The following KCNJ18 variants were observed in gnomAD, a reference collection of about 807,000 sequenced individuals.
KCNJ18 encodes the protein potassium inwardly rectifying channel subfamily J member 18, also known as inward rectifier potassium channel 18.
A neutral mutation model predicts 17.3 loss-of-function variants in KCNJ18; 16 were observed. The observed-to-expected ratio is 0.92, with a 90% CI of 0.62 to 1.40. The LOEUF (loss-of-function observed/expected upper bound fraction) is 1.40, where lower values mean the gene tolerates loss of function less well. Among genes scored for constraint, KCNJ18 ranks in the 40% most tolerant of loss-of-function variants. KCNJ18 has a pLI of 0.00. For synonymous variants in KCNJ18, 185 were observed against 262.6 expected, an observed-to-expected ratio of 0.70 and a Z score of 2.86; for missense variants, 462 against 626.8, an observed-to-expected ratio of 0.74 and a Z score of 2.81.
rs1334262373 is a variant in KCNJ18, at chr17:21,693,901, C to T, written c.-179+1187C>T. On this transcript the variant is annotated intron_variant, in intron 1 of 2. Coordinates refer to ENST00000567955, the MANE Select transcript of KCNJ18 (RefSeq NM_001194958.2). Reference sequence around the variant, plus strand: ...AGAGAGGCAAAGTGTAGGCCTGTGGCTTCTGCTCCCAGAATGATGAGGGAT... The same window carrying T: ...AGAGAGGCAAAGTGTAGGCCTGTGGTTTCTGCTCCCAGAATGATGAGGGAT... Among the ~76,000 whole-genome samples the T allele has an allele frequency of 1.5e-4, 23 of 152,256 alleles. No individual in the cohort carries two copies. In the East Asian group the frequency reaches 4.4e-3, roughly 29 times the overall value.
chr17:21,704,258 G>T lies in KCNJ18; in HGVS notation c.*170G>T. 1.2e-6 allele frequency: 1 copy of T among 853,304 alleles called. No individual in the cohort carries two copies. Among genetic ancestry groups the T allele is most frequent in the Non-Finnish European group, 1.8e-6 (1 of 570,956 alleles). 52.9% of individuals were successfully genotyped at this position (853,304 alleles called of 1,614,324 possible). ...AAGGCCTCAGAAGGTTGGCCGGAGA[G>T]GGGGCAGCCAGAGCGGCAGCCCCCG... On this transcript the variant is annotated 3_prime_UTR_variant, in exon 3 of 3. Coordinates refer to ENST00000567955, the MANE Select transcript of KCNJ18 (RefSeq NM_001194958.2).
At chr17:21,702,555 G>A (rs1410812474) in intron 2 of KCNJ18, among the ~76,000 whole-genome samples, 176 bp from the exon 3 acceptor site, 114 of 152,326 alleles carry the variant, frequency 7.5e-4, no homozygotes, top group African/African-American at 2.6e-3. Context: ...GGCCCGAAGG[G>A]GGTGGCCACT....
At chr17:21,698,516 G>A (rs1205418937) in intron 2 of KCNJ18, among the ~76,000 whole-genome samples, 2 of 151,998 alleles carry the variant, frequency 1.3e-5, no homozygotes, top group Non-Finnish European at 2.9e-5. Context: ...TCTTACCCTG[G>A]GTGATGCAGG....
chr17:21,693,265 G>A (rs1376335246), intron 1 of KCNJ18, among the ~76,000 whole-genome samples: 9 of 145,906 alleles, frequency 6.2e-5, no homozygotes, highest in East Asian at 6.1e-4. Flanking sequence ...CAGGAAATTC[G>A]CTTCTCTGCT....
chr17:21,695,034 C>CCCAT (rs1447090339), intron 1 of KCNJ18, among the ~76,000 whole-genome samples: 3 of 152,380 alleles, frequency 2.0e-5, no homozygotes, highest in East Asian at 1.9e-4. Flanking sequence ...CATCCATCCA[C>CCCAT]CCATCCATCC....
At chr17:21,699,638 G>C (rs1905872369) in intron 2 of KCNJ18, among the ~76,000 whole-genome samples, 1 of 152,416 alleles carries the variant, frequency 6.6e-6, no homozygotes, top group South Asian at 2.1e-4. Flanking sequence ...AAATGAGGGA[G>C]TGGGGCATGA....
Position 21,694,249 on chromosome 17 carries a change from G to A in KCNJ18, c.-179+1535G>A, listed in dbSNP as rs1292194587. On this transcript the variant is annotated intron_variant, in intron 1 of 2. Transcript: ENST00000567955. The stretch of plus-strand genomic sequence containing the variant: ...GCAGGCCCCATGAACTCCATGGCTG[G>A]GAGGTGCGGAGGTGAGAAGCATGTC... Among the ~76,000 whole-genome samples, 1,025 of 152,202 alleles carry A rather than the reference G, an allele frequency of 6.7e-3. 4 individuals are homozygous for A. The highest frequency in any genetic ancestry group is 0.01 in the Middle Eastern group (3 of 294).
intron 1 of KCNJ18, among the ~76,000 whole-genome samples, chr17:21,694,951 C>G (rs1258323752): frequency 6.6e-6 from 1 of 152,192 alleles, no homozygotes. Context: ...ATTCACTCAC[C>G]CATCCATCCA....
At chr17:21,699,360 T>C (rs1284889724) in intron 2 of KCNJ18, among the ~76,000 whole-genome samples, 2 of 152,122 alleles carry the variant, frequency 1.3e-5, no homozygotes, top group African/African-American at 4.8e-5. Flanking sequence ...TCTTGGGACA[T>C]TGTCTAGCTT....
At chr17:21,697,974 A>AG (rs1905818686) in intron 2 of KCNJ18, among the ~76,000 whole-genome samples, 3 of 152,298 alleles carry the variant, frequency 2.0e-5, no homozygotes, top group Middle Eastern at 3.2e-3. Flanking sequence ...GTGATCTCCA[A>AG]GGGGTCTTCC....
chr17:21,704,053 G>C lies in KCNJ18; in HGVS notation c.1267G>C (p.Glu423Gln). Residue 423 changes from glutamate (E) to glutamine (Q), a missense_variant, in exon 3 of 3, where the codon GAG (glutamate) becomes CAG (glutamine). By Grantham distance (29) the Glu-to-Gln change is conservative. Around this residue, in one of 5 missense-constraint regions of KCNJ18, gnomAD observed 123 missense variants for 117.5 expected, o/e 1.05. Transcript: ENST00000567955. Reference protein sequence around the residue: ...DRLQAGGGVLEQRPYRRGSEI With the variant: ...DRLQAGGGVLQQRPYRRGSEI ...ACTCCAGGCTGGCGGCGGGGTCCTG[G>C]AGCAGCGGCCCTACAGACGGGGGTC... 1 of 1,563,426 alleles carries C rather than the reference G, an allele frequency of 6.4e-7. No individual in the cohort carries two copies. Among genetic ancestry groups the C allele is most frequent in the Non-Finnish European group, 8.7e-7 (1 of 1,155,730 alleles).
rs1453396427 is a variant in KCNJ18 at position 21,704,343 on chromosome 17, G to A, written c.*255G>A. On this transcript the variant is annotated 3_prime_UTR_variant, in exon 3 of 3. Coordinates refer to ENST00000567955, the MANE Select transcript of KCNJ18 (RefSeq NM_001194958.2). The stretch of plus-strand genomic sequence containing the variant: ...GTGGCCTCCTGGGGGGCCAGGCCAC[G>A]GGGGCCAGGGCTTCTGCCTGAAGAT... The A allele has an allele frequency of 6.7e-5, 32 of 479,272 alleles. No individual in the cohort carries two copies. The highest frequency in any genetic ancestry group is 4.8e-4 in the East Asian group (14 of 29,290). 29.7% of individuals were successfully genotyped at this position (479,272 alleles called of 1,614,324 possible).
At chr17:21,700,195 A>C (rs1348214420) in intron 2 of KCNJ18, among the ~76,000 whole-genome samples, 8 of 151,032 alleles carry the variant, frequency 5.3e-5, no homozygotes, top group Non-Finnish European at 1.2e-4. Flanking sequence ...TGAGGTGGTC[A>C]GCCACAGCGG....
rs1905656936 is a variant in KCNJ18, at chr17:21,693,266, C to T, written c.-179+552C>T. On this transcript the variant is annotated intron_variant, in intron 1 of 2. Transcript: ENST00000567955. ...CTGCCCTGTGACTTCAGGAAATTCGCTTCTCTGCTCTACGTCTCAGTACCC... is the reference window on the plus strand; with the variant it reads ...CTGCCCTGTGACTTCAGGAAATTCGTTTCTCTGCTCTACGTCTCAGTACCC... Among the ~76,000 whole-genome samples, 9 of 152,374 alleles carry T rather than the reference C, an allele frequency of 5.9e-5. No homozygotes were observed. The South Asian group carries it at 1.9e-3, about 32-fold the overall frequency.
intron 1 of KCNJ18, among the ~76,000 whole-genome samples, chr17:21,693,093 C>T (rs2142265519): frequency 6.6e-6 from 1 of 152,422 alleles, no homozygotes; most frequent in East Asian, 1.9e-4. Flanking sequence ...CAGCCCACCT[C>T]CCCATCCAGG....
At chr17:21,702,300 A>T (rs1303087955) in intron 2 of KCNJ18, among the ~76,000 whole-genome samples, 1 of 151,282 alleles carries the variant, frequency 6.6e-6, no homozygotes, top group Admixed American at 6.6e-5. Flanking sequence ...GGGGCCTCTG[A>T]CATTGAGCAA....
chr17:21,698,718 G>A (rs1210029255), intron 2 of KCNJ18, among the ~76,000 whole-genome samples: 4 of 152,146 alleles, frequency 2.6e-5, no homozygotes, highest in African/African-American at 9.7e-5. Flanking sequence ...AGGTCACGTG[G>A]CAGCTGCCGT....
intron 2 of KCNJ18, among the ~76,000 whole-genome samples, chr17:21,701,076 A>T (rs1905933203): frequency 6.6e-6 from 1 of 151,858 alleles, no homozygotes; most frequent in African/African-American, 2.4e-5. Flanking sequence ...GCAGGCTGCC[A>T]TCCAGATGTG....
At chr17:21,693,567 C>T in intron 1 of KCNJ18, among the ~76,000 whole-genome samples, 1 of 152,306 alleles carries the variant, frequency 6.6e-6, no homozygotes, top group Non-Finnish European at 1.5e-5. Flanking sequence ...CTTAGCTTCT[C>T]TCAGCCTCAG....
Sources: allele counts gnomAD v4.1 joint callset (sites outside exome capture counted in the v4.1 genomes callset), GRCh38; gene constraint gnomAD v4.1.1; regional missense constraint gnomAD v4.1.1; transcripts MANE v1.5; gene names NCBI Gene and HGNC (gene_info 2026-07-23, HGNC 2026-07-21).